Variants in TAFA4 observed in about 807,000 individuals in gnomAD.
TAFA4 encodes TAFA chemokine like family member 4, also known as chemokine-like protein TAFA-4.
A neutral mutation model predicts 21.1 loss-of-function variants in TAFA4; 20 were observed. The observed-to-expected ratio is 0.95, with a 90% CI of 0.67 to 1.38. The LOEUF (loss-of-function observed/expected upper bound fraction) is 1.38. TAFA4 is among the 40% of genes most tolerant of loss of function. The pLI, the probability that TAFA4 is intolerant of heterozygous loss-of-function variation, is 0.00. For missense variants in TAFA4, 211 were observed against 180.9 expected (o/e 1.17, Z -0.95); for synonymous variants, 71 against 67.4 (o/e 1.05, Z -0.26).
At chr3:68,850,805 G>A (rs939348293) in intron 3 of TAFA4, among the ~76,000 whole-genome samples, 2 of 151,800 alleles carry the variant, frequency 1.3e-5, no homozygotes, top group African/African-American at 2.4e-5. Flanking sequence ...TGGACAGACT[G>A]CAAAAATTTT....
intron 3 of TAFA4, among the ~76,000 whole-genome samples, chr3:68,809,985 G>A (rs72925176): frequency 0.22 from 33,110 of 152,020 alleles, 4,338 homozygotes; most frequent in East Asian, 0.6. Flanking sequence ...TTTTCAAATC[G>A]GGTAACAGAT....
chr3:68,926,226 A>C (rs2090106839), intron 1 of TAFA4, among the ~76,000 whole-genome samples: 1 of 122,700 alleles, frequency 8.1e-6, no homozygotes, highest in Admixed American at 8.0e-5. Flanking sequence ...CTCTGTCTCC[A>C]AAAAAAAAAA....
chr3:68,844,395 G>C (rs1203423421), intron 3 of TAFA4, among the ~76,000 whole-genome samples: 2 of 151,384 alleles, frequency 1.3e-5, no homozygotes, highest in Admixed American at 1.3e-4. Flanking sequence ...GTGTCTATTT[G>C]ATTCTTCCCT....
chr3:68,822,039 G>C (rs1407862019), intron 3 of TAFA4, among the ~76,000 whole-genome samples: 1 of 152,108 alleles, frequency 6.6e-6, no homozygotes, highest in African/African-American at 2.4e-5. Context: ...TATTATGCTT[G>C]CTCTTTTTAT....
chr3:68,846,697 G>A (rs1012061193), intron 3 of TAFA4, among the ~76,000 whole-genome samples: 3 of 152,138 alleles, frequency 2.0e-5, no homozygotes, highest in African/African-American at 7.2e-5. Flanking sequence ...CTTTGGATGG[G>A]CTTTCTGTGT....
At position 68,932,375 on chromosome 3, in the gene TAFA4, G is replaced by T. The variant is rs1390053936; in HGVS notation, c.-258C>A. 1 of 152,342 alleles carries T rather than the reference G, an allele frequency of 6.6e-6. No homozygotes were observed. Among genetic ancestry groups the T allele is most frequent in the Non-Finnish European group, 1.5e-5 (1 of 68,154 alleles). 9.4% of individuals were successfully genotyped at this position (152,342 alleles called of 1,614,324 possible). ...AGCGGCCCATCACCTCTGCAGCCTC[G>T]CCAGGAGAAGAAAAGTTCCCACGTC... On this transcript the variant is annotated 5_prime_UTR_variant, in exon 1 of 6. Coordinates refer to ENST00000295569, the MANE Select transcript of TAFA4 (RefSeq NM_182522.5).
intron 3 of TAFA4, among the ~76,000 whole-genome samples, chr3:68,866,995 G>T (rs2089428764): frequency 6.6e-6 from 1 of 151,890 alleles, no homozygotes; most frequent in Non-Finnish European, 1.5e-5. Context: ...AAGAGCAAGG[G>T]GTAGCAGCAA....
At chr3:68,742,504 G>A (rs190503719) in intron 4 of TAFA4, among the ~76,000 whole-genome samples, 1 of 152,196 alleles carries the variant, frequency 6.6e-6, no homozygotes, top group East Asian at 1.9e-4. Flanking sequence ...TGAGGGCCAG[G>A]CACCCGGCTA....
chr3:68,772,388 G>A (rs922225777), intron 3 of TAFA4, among the ~76,000 whole-genome samples: 5 of 152,182 alleles, frequency 3.3e-5, no homozygotes, highest in African/African-American at 1.2e-4. Context: ...GACTGAGTAG[G>A]GAAGAGCCAT....
chr3:68,819,281 A>ATT (rs1286216042), intron 3 of TAFA4, among the ~76,000 whole-genome samples: 3,442 of 146,536 alleles, frequency 0.023, 79 homozygotes, highest in Non-Finnish European at 0.032. Context: ...AATTAAAAAA[A>ATT]AAAAAAAAAA....
At chr3:68,907,685 G>A (rs2089917992) in intron 1 of TAFA4, among the ~76,000 whole-genome samples, 1 of 152,206 alleles carries the variant, frequency 6.6e-6, no homozygotes, top group African/African-American at 2.4e-5. Context: ...CAGAGTGCCT[G>A]CCCTCTCTAA....
At chr3:68,862,882 A>T (rs902679311) in intron 3 of TAFA4, among the ~76,000 whole-genome samples, 1 of 100,696 alleles carries the variant, frequency 9.9e-6, no homozygotes, top group Non-Finnish European at 2.1e-5. Flanking sequence ...CACACACACA[A>T]TCATTTTGCT....
At chr3:68,809,896 G>A (rs1224378245) in intron 3 of TAFA4, among the ~76,000 whole-genome samples, 1 of 152,086 alleles carries the variant, frequency 6.6e-6, no homozygotes, top group East Asian at 1.9e-4. Flanking sequence ...TTATTTCTGG[G>A]CACTTTATTC....
intron 3 of TAFA4, among the ~76,000 whole-genome samples, chr3:68,792,281 T>C (rs564569199): frequency 3.3e-5 from 5 of 152,178 alleles, no homozygotes; most frequent in Non-Finnish European, 7.3e-5. Flanking sequence ...TATTTCTATT[T>C]TTTGGTTGAG....
chr3:68,793,743 G>A (rs1703406549), intron 3 of TAFA4, among the ~76,000 whole-genome samples: 1 of 152,154 alleles, frequency 6.6e-6, no homozygotes, highest in Non-Finnish European at 1.5e-5. Flanking sequence ...ACTGCTTCAT[G>A]CATGCAAGTT....
chr3:68,750,578 G>C (rs1244204761), intron 4 of TAFA4, among the ~76,000 whole-genome samples: 1 of 152,146 alleles, frequency 6.6e-6, no homozygotes, highest in East Asian at 1.9e-4. Flanking sequence ...GATAAATGCA[G>C]TTACTTCTAG....
At chr3:68,895,963 A>G (rs1222923030) in intron 1 of TAFA4, among the ~76,000 whole-genome samples, 1 of 152,216 alleles carries the variant, frequency 6.6e-6, no homozygotes, top group Admixed American at 6.5e-5. Flanking sequence ...CCTCACTGAG[A>G]AGGTGACTGT....
intron 3 of TAFA4, among the ~76,000 whole-genome samples, chr3:68,850,282 C>G (rs1455523996): frequency 6.6e-6 from 1 of 152,166 alleles, no homozygotes; most frequent in Non-Finnish European, 1.5e-5. Flanking sequence ...TCAACAATAA[C>G]TACCAAGCAT....
At chr3:68,762,168 T>C (rs1575598964) in intron 3 of TAFA4, among the ~76,000 whole-genome samples, 1 of 149,852 alleles carries the variant, frequency 6.7e-6, no homozygotes, top group South Asian at 2.1e-4. Flanking sequence ...ATTACCTCTA[T>C]GTTAAGAGCT....
Sources: allele counts gnomAD v4.1 joint callset (sites outside exome capture counted in the v4.1 genomes callset), GRCh38; gene constraint gnomAD v4.1.1; transcripts MANE v1.5; gene names NCBI Gene and HGNC (gene_info 2026-07-23, HGNC 2026-07-21).